The following MICU3 variants were observed in gnomAD, a reference collection of about 807,000 sequenced individuals.
MICU3 encodes mitochondrial calcium uptake 3.
A neutral mutation model predicts 66.5 loss-of-function variants in MICU3; 62 were observed. The ratio of observed to expected loss-of-function variants is 0.93; its 90% CI spans 0.76 to 1.15. The LOEUF (loss-of-function observed/expected upper bound fraction) is 1.15. Among genes scored for constraint, MICU3 ranks in the 50% most tolerant of loss-of-function variants. MICU3 has a pLI of 0.00. For missense variants in MICU3, 779 were observed against 664.4 expected (o/e 1.17, Z -1.90); for synonymous variants, 308 against 240.7 (o/e 1.28, Z -2.59).
chr8:17,131,917 A>G, the MICU3 span: 2 of 152,212 alleles, frequency 1.3e-5, no homozygotes, highest in Non-Finnish European at 2.9e-5. Flanking sequence ...ATACATCAAT[A>G]AACAGCATAG....
chr8:17,109,905 G>T (rs541931815), intron 11 of MICU3, among the ~76,000 whole-genome samples: 15 of 152,208 alleles, frequency 9.9e-5, no homozygotes, highest in Admixed American at 4.6e-4. Flanking sequence ...TAAGGAAATG[G>T]ATATTCAGAA....
At chr8:17,095,606 T>C (rs1197712526) in intron 8 of MICU3, among the ~76,000 whole-genome samples, 1 of 151,966 alleles carries the variant, frequency 6.6e-6, no homozygotes, top group Admixed American at 6.6e-5. Context: ...AGACCCTTTA[T>C]TCAGACAGGG....
chr8:17,113,032 G>A (rs947510161), intron 11 of MICU3, among the ~76,000 whole-genome samples: 22 of 152,334 alleles, frequency 1.4e-4, no homozygotes, highest in African/African-American at 5.3e-4. Context: ...AACAATGTGA[G>A]GAGAAAAGAC....
chr8:17,049,950 A>G (rs899843158), intron 1 of MICU3, among the ~76,000 whole-genome samples: 1 of 151,706 alleles, frequency 6.6e-6, no homozygotes, highest in Non-Finnish European at 1.5e-5. Context: ...GTATCTTGTG[A>G]CTGTTTCTAT....
intron 11 of MICU3, among the ~76,000 whole-genome samples, chr8:17,112,160 A>G (rs1340810050): frequency 2.6e-5 from 4 of 152,160 alleles, no homozygotes; most frequent in African/African-American, 9.7e-5. Context: ...ATTTGAGATG[A>G]GATTTGGGTG....
chr8:17,063,126 A>C (rs929682631), intron 1 of MICU3, among the ~76,000 whole-genome samples: 1 of 152,200 alleles, frequency 6.6e-6, no homozygotes, highest in Non-Finnish European at 1.5e-5. Context: ...AAAAGGTCAG[A>C]TTACTGAATG....
intron 3 of MICU3, among the ~76,000 whole-genome samples, chr8:17,073,379 G>T (rs1417667997): frequency 2.6e-5 from 4 of 151,956 alleles, no homozygotes; most frequent in Admixed American, 2.6e-4. Context: ...TTGTGAACTG[G>T]CATGTGAGGG....
At chr8:17,130,484 A>G in the MICU3 span, among the ~76,000 whole-genome samples, 1 of 152,094 alleles carries the variant, frequency 6.6e-6, no homozygotes, top group Non-Finnish European at 1.5e-5. Flanking sequence ...GCACCATTGC[A>G]CTGCAGCCTG....
intron 7 of MICU3, 82 bp downstream of exon 7, chr8:17,087,117 T>G (rs1201791795): frequency 2.1e-6 from 2 of 971,146 alleles, no homozygotes; most frequent in African/African-American, 1.7e-5. Flanking sequence ...TAATTAAAGT[T>G]TGTAACTTTG....
intron 1 of MICU3, among the ~76,000 whole-genome samples, chr8:17,043,498 A>C (rs1466797398): frequency 6.6e-6 from 1 of 152,222 alleles, no homozygotes; most frequent in Non-Finnish European, 1.5e-5. Context: ...ATATAGTCAT[A>C]AGGACAGTGA....
chr8:17,117,771 G>A (rs1280846832), intron 13 of MICU3, among the ~76,000 whole-genome samples: 1 of 151,976 alleles, frequency 6.6e-6, no homozygotes, highest in Non-Finnish European at 1.5e-5. Context: ...ACCGTGCCCG[G>A]GTAATTTTTT....
At position 17,120,609 on chromosome 8, in the gene MICU3, TTTTA is replaced by T. The variant is rs1481918099; in HGVS notation, c.*329_*332del. 6.6e-6 allele frequency: 1 copy of T among 152,516 alleles called. No individual in the cohort carries two copies. The highest frequency in any genetic ancestry group is 1.9e-4 in the East Asian group (1 of 5,200). The allele number at this position is 152,516 out of a possible 1,614,324, so 9.4% of individuals were successfully genotyped here. A position where few individuals can be genotyped will look rare whatever the true frequency, so the allele number is the denominator to read the frequency against. On this transcript the variant is annotated 3_prime_UTR_variant, in exon 15 of 15. Coordinates refer to ENST00000318063, the MANE Select transcript of MICU3 (RefSeq NM_181723.3). ...TATGAATGTACTTTCAATATTATTTTTTTATTTATTCATTAGAAATTTTCCTCAT... is the reference window on the plus strand; with the variant it reads ...TATGAATGTACTTTCAATATTATTTTTTTATTCATTAGAAATTTTCCTCAT...
At chr8:17,107,080 G>A (rs1294763906) in intron 11 of MICU3, among the ~76,000 whole-genome samples, 1 of 151,980 alleles carries the variant, frequency 6.6e-6, no homozygotes, top group Non-Finnish European at 1.5e-5. Context: ...TATTTACTTG[G>A]CTTTATTCCA....
chr8:17,074,395 C>G (rs1350582704), intron 3 of MICU3, among the ~76,000 whole-genome samples: 1 of 151,984 alleles, frequency 6.6e-6, no homozygotes. Context: ...AGAACTGCTA[C>G]TATAGACAAC....
At chr8:17,032,704 A>G (rs1253732993) in intron 1 of MICU3, among the ~76,000 whole-genome samples, 4 of 152,194 alleles carry the variant, frequency 2.6e-5, no homozygotes, top group Non-Finnish European at 5.9e-5. Context: ...GCTTACAGGC[A>G]TACGTTTTGC....
At chr8:17,037,314 G>A (rs1813207149) in intron 1 of MICU3, among the ~76,000 whole-genome samples, 1 of 152,224 alleles carries the variant, frequency 6.6e-6, no homozygotes, top group African/African-American at 2.4e-5. Context: ...CAAAGTGGGA[G>A]CCCAGGCAGA....
chr8:17,052,242 A>G (rs1336647616), intron 1 of MICU3, among the ~76,000 whole-genome samples: 1 of 152,058 alleles, frequency 6.6e-6, no homozygotes, highest in Admixed American at 6.6e-5. Flanking sequence ...TAATATTTGT[A>G]TGTATTTATG....
chr8:17,124,854 A>G (rs1382624318), downstream of MICU3, among the ~76,000 whole-genome samples: 1 of 152,094 alleles, frequency 6.6e-6, no homozygotes, highest in African/African-American at 2.4e-5. Context: ...ATCAGATGCT[A>G]TATTCTGATC....
the MICU3 span, among the ~76,000 whole-genome samples, chr8:17,134,430 C>T: frequency 8.6e-6 from 1 of 115,810 alleles, no homozygotes; most frequent in Admixed American, 9.6e-5. Flanking sequence ...GAAAGTCAGC[C>T]TTTTGTTTGT....
Sources: gnomAD v4.1 joint callset for allele counts (sites outside exome capture counted in the v4.1 genomes callset) on GRCh38, gnomAD v4.1.1 for gene constraint, MANE v1.5 for transcripts, NCBI Gene and HGNC (gene_info 2026-07-23, HGNC 2026-07-21) for gene names.